The following CSF1R variants were observed in gnomAD, a reference collection of about 807,000 sequenced individuals.
CSF1R encodes macrophage colony-stimulating factor 1 receptor.
Under a neutral mutation model 110.0 loss-of-function variants are expected in CSF1R, and 40 were observed. That is an observed-to-expected ratio of 0.36 (90% CI 0.28 to 0.47). The LOEUF is 0.47. Among genes scored for constraint, CSF1R ranks in the 20% least tolerant of loss-of-function variants. CSF1R has a pLI of 0.99. For missense variants in CSF1R, 1,052 were observed against 1,253.0 expected (o/e 0.84, Z 2.42); for synonymous variants, 523 against 503.4 (o/e 1.04, Z -0.52).
intron 1 of CSF1R, among the ~76,000 whole-genome samples, chr5:150,100,447 G>A (rs1187425072): frequency 4.6e-5 from 7 of 151,800 alleles, no homozygotes; most frequent in Admixed American, 6.6e-5. Context: ...AAAGGCACCC[G>A]CCACCACGCC....
In CSF1R at chr5:150,081,007, T is replaced by C; in HGVS notation, c.67A>G (p.Ile23Val). ...TAWHGQGIPV[I>V]EPSVPELVVK... ...ACCAGCTCAGGGACACTGGGCTCTA[T>C]CACTGGGATTCCCTGACCTGGTGGG... is the stretch of plus-strand genomic sequence containing the variant. The change falls in exon 2 of 21, where the codon ATA (isoleucine) becomes GTA (valine). Residue 23 changes from isoleucine to valine, a missense_variant. Physicochemically the swap from Ile to Val is conservative, Grantham distance 29 (BLOSUM62 3). Coordinates refer to ENST00000675795, the MANE Select transcript of CSF1R (RefSeq NM_001288705.3). 1 of 1,613,898 alleles carries C rather than the reference T, an allele frequency of 6.2e-7. No individual in the cohort carries two copies. The highest frequency in any genetic ancestry group is 8.5e-7 in the Non-Finnish European group (1 of 1,179,830).
Position 150,054,092 on chromosome 5 carries a change from G to C in CSF1R, c.2896C>G (p.Pro966Ala). The change falls in exon 21 of 21, where the codon CCC becomes GCC. Residue 966 changes from proline (P) to alanine (A), a missense_variant. Pro to Ala is a conservative substitution (Grantham distance 27, BLOSUM62 -1). Coordinates refer to ENST00000675795, the MANE Select transcript of CSF1R (RefSeq NM_001288705.3). ...QGDIAQPLLQ[P>A]NNYQFC is the part of the protein sequence containing the mutation. ...CCTCAGCAGAACTGATAGTTGTTGG[G>C]CTGCAGCAAGGGCTGGGCGATATCC... The C allele has an allele frequency of 3.1e-6, 5 of 1,614,150 alleles. No homozygotes were observed. The highest frequency in any genetic ancestry group is 4.2e-6 in the Non-Finnish European group (5 of 1,180,020).
At position 150,076,636 on chromosome 5, in the gene CSF1R, G is replaced by A. The variant is rs199984443; in HGVS notation, c.889+640C>T. On this transcript the variant is annotated intron_variant, in intron 5 of 20. Coordinates refer to ENST00000675795, the MANE Select transcript of CSF1R (RefSeq NM_001288705.3). ...CTCACTTTAAGACACCTTTACCTCC[G>A]GCTTCTGCCACCTCCTCTGCTCCCC... Among the ~76,000 whole-genome samples the A allele has an allele frequency of 5.9e-5, 9 of 152,136 alleles. No individual in the cohort carries two copies. In the East Asian group the frequency reaches 1.7e-3, roughly 29 times the overall value.
chr5:150,096,456 G>T (rs1759226174), intron 1 of CSF1R, among the ~76,000 whole-genome samples: 1 of 152,196 alleles, frequency 6.6e-6, no homozygotes, highest in South Asian at 2.1e-4. Flanking sequence ...TATAGCATAG[G>T]AGAGATGACT....
intron 14 of CSF1R, 52 bp downstream of exon 14, chr5:150,059,648 C>A (rs541978304): frequency 1.3e-6 from 2 of 1,596,546 alleles, no homozygotes; most frequent in Non-Finnish European, 1.7e-6. Flanking sequence ...AAGACAGACT[C>A]GGATCCTGCC....
At chr5:150,100,023 C>T (rs1031759572) in intron 1 of CSF1R, among the ~76,000 whole-genome samples, 1 of 152,078 alleles carries the variant, frequency 6.6e-6, no homozygotes, top group African/African-American at 2.4e-5. Context: ...TGTTGGCTCA[C>T]AGATAGACAA....
intron 10 of CSF1R, among the ~76,000 whole-genome samples, chr5:150,066,597 C>T (rs953875945): frequency 2.0e-5 from 3 of 152,192 alleles, no homozygotes; most frequent in Non-Finnish European, 2.9e-5. Context: ...AGGTATTGAC[C>T]GGGGCTGCCC....
At chr5:150,065,031 G>C (rs1334892550) in intron 10 of CSF1R, among the ~76,000 whole-genome samples, 1 of 152,194 alleles carries the variant, frequency 6.6e-6, no homozygotes, top group East Asian at 1.9e-4. Flanking sequence ...ATGGCAGCGG[G>C]TTCTTCCTGA....
chr5:150,094,612 A>C lies in CSF1R; in HGVS notation c.-180-8005T>G, dbSNP rs1406477320. Reference sequence around the variant, plus strand: ...AGAGGTATCAATGGAGTGAGCCCAAAGGTTCGAAAGGTGTTGCAGCTTCTT... The same window carrying C: ...AGAGGTATCAATGGAGTGAGCCCAACGGTTCGAAAGGTGTTGCAGCTTCTT... On this transcript the variant is annotated intron_variant, in intron 1 of 21. Transcript: ENST00000286301. 6 of 1,565,608 alleles carry C rather than the reference A, an allele frequency of 3.8e-6. No homozygotes were observed. The East Asian group carries it at 1.3e-4, about 35-fold the overall frequency.
chr5:150,078,940 GTATTTACTT>G (rs1554103714), intron 3 of CSF1R, among the ~76,000 whole-genome samples: 2 of 152,170 alleles, frequency 1.3e-5, no homozygotes. Context: ...CATCACATTT[GTATTTACTT>G]TCTATTTAAT....
At position 150,061,456 on chromosome 5, in the gene CSF1R, CCCCATCCCTTCCCTCAT is replaced by C; in HGVS notation, c.1858+18_1858+34del. The C allele has an allele frequency of 9.6e-7, 1 of 1,036,402 alleles. No homozygotes were observed. Among genetic ancestry groups the C allele is most frequent in the Non-Finnish European group, 1.4e-6 (1 of 691,372 alleles). 64.2% of individuals were successfully genotyped at this position (1,036,402 alleles called of 1,614,324 possible). A position where few individuals can be genotyped will look rare whatever the true frequency, so the allele number is the denominator to read the frequency against. On this transcript the variant is annotated intron_variant, in intron 12 of 20. Transcript: ENST00000675795. ...CAGCCCACCCCCAGCATCTACCACC[CCCCATCCCTTCCCTCAT>C]CCCCTCCCCTCACTCACACTTCAGC...
At chr5:150,089,173 T>C (rs1561952617), upstream of CSF1R, among the ~76,000 whole-genome samples, 1 of 152,184 alleles carries the variant, frequency 6.6e-6, no homozygotes, top group African/African-American at 2.4e-5. Flanking sequence ...CAAAGATGCC[T>C]GTTCTCGCCA....
At chr5:150,104,248 G>A in intron 1 of CSF1R, among the ~76,000 whole-genome samples, 1 of 152,372 alleles carries the variant, frequency 6.6e-6, no homozygotes, top group East Asian at 1.9e-4. Context: ...AACATGTTTA[G>A]GTGGAGGAGG....
At chr5:150,087,411 AC>A (rs1489953102), upstream of CSF1R, among the ~76,000 whole-genome samples, 1 of 152,246 alleles carries the variant, frequency 6.6e-6, no homozygotes, top group Non-Finnish European at 1.5e-5. Flanking sequence ...GTAGGTAAGT[AC>A]TATTGTCATT....
Position 150,080,200 on chromosome 5 carries a change from G to A in CSF1R, c.444C>T (p.Leu148=), listed in dbSNP as rs1407594331. 1 of 1,613,618 alleles carries A rather than the reference G, an allele frequency of 6.2e-7. No individual in the cohort carries two copies. Among genetic ancestry groups the A allele is most frequent in the African/African-American group, 1.3e-5 (1 of 74,944 alleles). The change falls in exon 3 of 21, where the codon CTC becomes CTT. Residue 148 remains leucine, a synonymous_variant. Transcript: ENST00000675795. ...VSLVRVRGRP[L]MRHTNYSFSP... ...AGAAGGAGTAGTTGGTGTGGCGCAT[G>A]AGGGGCCGGCCACGCACACGCACCA...
chr5:150,079,029 C>T (rs1207047713), intron 3 of CSF1R, among the ~76,000 whole-genome samples: 2 of 152,224 alleles, frequency 1.3e-5, no homozygotes, highest in Non-Finnish European at 2.9e-5. Context: ...GCCTGATGCA[C>T]AGTAGGCCTT....
At chr5:150,100,739 G>A (rs1759380190) in intron 1 of CSF1R, among the ~76,000 whole-genome samples, 1 of 152,006 alleles carries the variant, frequency 6.6e-6, no homozygotes, top group South Asian at 2.1e-4. Context: ...AGGCATACGT[G>A]CAATAGAAAT....
At chr5:150,076,037 C>A (rs2116791) in intron 5 of CSF1R, among the ~76,000 whole-genome samples, 64,268 of 152,170 alleles carry the variant, frequency 0.42, 15,143 homozygotes, top group Non-Finnish European at 0.52. Context: ...GAGCCTGCTC[C>A]CACTCCGATG....
At chr5:150,101,741 C>T (rs1328471566) in intron 1 of CSF1R, among the ~76,000 whole-genome samples, 1 of 151,316 alleles carries the variant, frequency 6.6e-6, no homozygotes, top group Non-Finnish European at 1.5e-5. Flanking sequence ...AAATGGAAGG[C>T]CCCCCAAACC....
Sources: gnomAD v4.1 joint callset for allele counts (sites outside exome capture counted in the v4.1 genomes callset) on GRCh38, gnomAD v4.1.1 for gene constraint, MANE v1.5 for transcripts, NCBI Gene and HGNC (gene_info 2026-07-23, HGNC 2026-07-21) for gene names.